The following GALNT13 variants were observed in gnomAD, a reference collection of about 807,000 sequenced individuals.
GALNT13 encodes the protein polypeptide N-acetylgalactosaminyltransferase 13.
A neutral mutation model predicts 64.2 loss-of-function variants in GALNT13; 28 were observed. The ratio of observed to expected loss-of-function variants is 0.44; its 90% CI spans 0.32 to 0.60. The LOEUF (loss-of-function observed/expected upper bound fraction) is 0.60, where lower values mean the gene tolerates loss of function less well. Ranked by LOEUF, GALNT13 falls within the 20% of genes least tolerant of loss-of-function variation. The pLI, the probability that GALNT13 is intolerant of heterozygous loss-of-function variation, is 0.05. For synonymous variants in GALNT13, 214 were observed against 224.6 expected (o/e 0.95, Z 0.42); for missense variants, 577 against 669.8 (o/e 0.86, Z 1.53).
rs1363297920 is a variant in GALNT13, at chr2:153,944,459, G to A, written c.-39G>A. 2.5e-6 allele frequency: 4 copies of A among 1,598,320 alleles called. No individual in the cohort carries two copies. In the South Asian group the frequency reaches 3.4e-5, roughly 14 times the overall value. ...GCTTGGATTTATCACAGTAGCATTTGTCTTCAATCTGTGTGTTAACTAGAA... is the reference window on the plus strand; with the variant it reads ...GCTTGGATTTATCACAGTAGCATTTATCTTCAATCTGTGTGTTAACTAGAA... On this transcript the variant is annotated 5_prime_UTR_variant, in exon 3 of 13. Transcript: ENST00000392825.
chr2:154,108,700 CT>C (rs1205855688), intron 3 of GALNT13, among the ~76,000 whole-genome samples: 1 of 150,768 alleles, frequency 6.6e-6, no homozygotes, highest in African/African-American at 2.4e-5. Flanking sequence ...TTTTTTTCTT[CT>C]TTTAGTTGAA....
At chr2:154,343,335 A>T (rs770636200) in intron 9 of GALNT13, among the ~76,000 whole-genome samples, 2 of 152,098 alleles carry the variant, frequency 1.3e-5, no homozygotes. Context: ...GTAAATATAT[A>T]TATTTGCTTA....
chr2:154,350,688 T>C (rs1696345791), intron 9 of GALNT13, among the ~76,000 whole-genome samples: 1 of 152,190 alleles, frequency 6.6e-6, no homozygotes, highest in Non-Finnish European at 1.5e-5. Flanking sequence ...CTCTGACTAA[T>C]ACACTCCCTA....
chr2:153,913,436 G>A (rs1344197323), intron 2 of GALNT13, among the ~76,000 whole-genome samples: 1 of 152,152 alleles, frequency 6.6e-6, no homozygotes, highest in Non-Finnish European at 1.5e-5. Flanking sequence ...AGTTCAGGTT[G>A]GACAGTTCCC....
intron 4 of GALNT13, among the ~76,000 whole-genome samples, chr2:154,232,887 C>T (rs990626211): frequency 1.3e-5 from 2 of 148,528 alleles, no homozygotes; most frequent in South Asian, 2.1e-4. Flanking sequence ...AAAAAAATTA[C>T]AAAAATAAGT....
At chr2:153,496,235 A>G in the GALNT13 span, among the ~76,000 whole-genome samples, 1 of 152,216 alleles carries the variant, frequency 6.6e-6, no homozygotes, top group Non-Finnish European at 1.5e-5. Context: ...ACGAGTTCAC[A>G]TAAACCATGG....
chr2:153,815,403 G>A, the GALNT13 span, among the ~76,000 whole-genome samples: 1 of 152,110 alleles, frequency 6.6e-6, no homozygotes, highest in African/African-American at 2.4e-5. Context: ...TGAAGTGCCT[G>A]GAACATTTGG....
At chr2:154,351,036 C>T (rs758435166) in intron 9 of GALNT13, among the ~76,000 whole-genome samples, 1 of 152,006 alleles carries the variant, frequency 6.6e-6, no homozygotes, top group Non-Finnish European at 1.5e-5. Flanking sequence ...TAGTTGGGGA[C>T]ACAGGATTTG....
intron 8 of GALNT13, among the ~76,000 whole-genome samples, chr2:154,264,771 A>G (rs1690892536): frequency 7.1e-6 from 1 of 141,516 alleles, no homozygotes; most frequent in Non-Finnish European, 1.5e-5. Flanking sequence ...TATTTATAGC[A>G]CTAAATGTCT....
the GALNT13 span, among the ~76,000 whole-genome samples, chr2:153,338,333 A>T: frequency 6.6e-6 from 1 of 152,166 alleles, no homozygotes; most frequent in African/African-American, 2.4e-5. Flanking sequence ...AATATAAATT[A>T]AAAGATAAAA....
chr2:154,365,523 G>A (rs1262077938), intron 9 of GALNT13, among the ~76,000 whole-genome samples: 2 of 152,004 alleles, frequency 1.3e-5, no homozygotes, highest in African/African-American at 4.8e-5. Flanking sequence ...TCCCAAAATT[G>A]TTTTAAAGGG....
chr2:153,750,738 G>T, the GALNT13 span, among the ~76,000 whole-genome samples: 1 of 151,510 alleles, frequency 6.6e-6, no homozygotes, highest in Admixed American at 6.6e-5. Flanking sequence ...GCTAAAGTTT[G>T]TCAATTTTGT....
the GALNT13 span, among the ~76,000 whole-genome samples, chr2:153,766,717 T>G: frequency 6.6e-6 from 1 of 152,112 alleles, no homozygotes; most frequent in Admixed American, 6.5e-5. Context: ...TTTTTAATGT[T>G]TAAAATTTCT....
At chr2:154,397,404 A>C (rs1418605337) in intron 10 of GALNT13, among the ~76,000 whole-genome samples, 1 of 152,164 alleles carries the variant, frequency 6.6e-6, no homozygotes, top group Non-Finnish European at 1.5e-5. Context: ...GCGCCATTGC[A>C]CTCCAGCCTG....
chr2:154,119,362 G>T (rs556629071), intron 3 of GALNT13, among the ~76,000 whole-genome samples: 1 of 152,176 alleles, frequency 6.6e-6, no homozygotes, highest in South Asian at 2.1e-4. Flanking sequence ...TCTCAGAATA[G>T]TTTCTTTGCT....
At chr2:153,962,897 C>T (rs1441687691) in intron 3 of GALNT13, among the ~76,000 whole-genome samples, 3 of 152,138 alleles carry the variant, frequency 2.0e-5, no homozygotes, top group South Asian at 4.1e-4. Context: ...TTGTACTACT[C>T]AGCATAAGTG....
intron 3 of GALNT13, among the ~76,000 whole-genome samples, chr2:154,019,762 A>G (rs1425009171): frequency 6.6e-6 from 1 of 151,862 alleles, no homozygotes; most frequent in Non-Finnish European, 1.5e-5. Context: ...CAGGTTTGTT[A>G]CATATGTATA....
At chr2:153,144,962 A>G in the GALNT13 span, among the ~76,000 whole-genome samples, 8 of 151,988 alleles carry the variant, frequency 5.3e-5, no homozygotes, top group African/African-American at 1.9e-4. Context: ...ATGTCTGACA[A>G]ATAGTGCATA....
the GALNT13 span, among the ~76,000 whole-genome samples, chr2:153,437,800 T>C: frequency 2.8e-4 from 43 of 152,232 alleles, 1 homozygote; most frequent in Non-Finnish European, 5.9e-5. Context: ...TCTGTGTCTT[T>C]TAATTGGAGC....
Sources: allele counts gnomAD v4.1 joint callset (sites outside exome capture counted in the v4.1 genomes callset), GRCh38; gene constraint gnomAD v4.1.1; transcripts MANE v1.5; gene names NCBI Gene and HGNC (gene_info 2026-07-23, HGNC 2026-07-21).